The following RANBP10 variants were observed in gnomAD, a reference collection of about 807,000 sequenced individuals.
RANBP10 encodes the protein RAN binding protein 10, also known as ran-binding protein 10.
RANBP10 carries 24 observed loss-of-function variants against 72.8 expected under a neutral mutation model. The observed-to-expected ratio is 0.33, with a 90% CI of 0.24 to 0.46. The LOEUF (loss-of-function observed/expected upper bound fraction) is 0.46. Ranked by LOEUF, RANBP10 falls within the 20% of genes least tolerant of loss-of-function variation. RANBP10 has a pLI of 1.00. For synonymous variants in RANBP10, 310 were observed against 322.3 expected (o/e 0.96, Z 0.41); for missense variants, 679 against 817.5 (o/e 0.83, Z 2.07).
chr16:67,772,274 T>C (rs2054622320), intron 2 of RANBP10, among the ~76,000 whole-genome samples, 188 bp from the exon 3 acceptor site: 1 of 152,172 alleles, frequency 6.6e-6, no homozygotes. Flanking sequence ...AGCATCTTAG[T>C]GCCTCACCCA....
At chr16:67,747,820 T>G (rs1244704470) in intron 3 of RANBP10, among the ~76,000 whole-genome samples, 2 of 146,846 alleles carry the variant, frequency 1.4e-5, no homozygotes, top group Non-Finnish European at 3.0e-5. Flanking sequence ...TTCTTTTCTT[T>G]TTTTTTTTTT....
rs2053591644 is a variant in RANBP10 at position 67,726,018 on chromosome 16, ATAAGCTATCACCAAC to A, written c.*395_*409del. On this transcript the variant is annotated 3_prime_UTR_variant, in exon 14 of 14. Transcript: ENST00000317506. The stretch of plus-strand genomic sequence containing the variant: ...CATTTGTTTTTTACTTATGAAAATA[ATAAGCTATCACCAAC>A]TTGGATAGGCTTCATCACTAAATTA... 6.2e-6 allele frequency: 1 copy of A among 162,102 alleles called. No individual in the cohort carries two copies. Among genetic ancestry groups the A allele is most frequent in the Admixed American group, 5.6e-5 (1 of 17,724 alleles). The allele number at this position is 162,102 out of a possible 1,614,324, so 10.0% of individuals were successfully genotyped here.
rs1308834316 is a variant in RANBP10 at position 67,780,245 on chromosome 16, C to CA, written c.348-8160dup. On this transcript the variant is annotated intron_variant, in intron 2 of 13. Transcript: ENST00000317506. ...GACTCCGTCTCAAAAAACAAACAAA[C>CA]AAACAAAAAAACACAGCAGAATGTG... 5.7e-4 allele frequency among the ~76,000 whole-genome samples: 85 copies of CA among 150,000 alleles called. 1 individual carries two copies. Among genetic ancestry groups the CA allele is most frequent in the Middle Eastern group, 3.4e-3 (1 of 290 alleles).
rs1398632644 is a variant in RANBP10 at position 67,800,236 on chromosome 16, G to T, written c.347+5192C>A. ...TGGCCAAAGGAAGTCAGCTGCAGGA[G>T]CAAGGGAAGGCTGGCTGTGGTCAGA... On this transcript the variant is annotated intron_variant, in intron 2 of 13. Transcript: ENST00000317506. Among the ~76,000 whole-genome samples, 3 of 152,188 alleles carry T rather than the reference G, an allele frequency of 2.0e-5. No homozygotes were observed. The East Asian group carries it at 5.8e-4, about 29-fold the overall frequency.
intron 3 of RANBP10, 114 bp downstream of exon 3, chr16:67,771,920 T>G: frequency 8.2e-7 from 1 of 1,225,340 alleles, no homozygotes. Context: ...TAGCATGGCT[T>G]GAGGTAGGCA....
rs2053596151 is a variant in RANBP10 at position 67,726,261 on chromosome 16, G to C, written c.*167C>G. 4 of 995,818 alleles carry C rather than the reference G, an allele frequency of 4.0e-6. No individual in the cohort carries two copies. Among genetic ancestry groups the C allele is most frequent in the Non-Finnish European group, 5.9e-6 (4 of 683,168 alleles). The allele number at this position is 995,818 out of a possible 1,614,324, so 61.7% of individuals were successfully genotyped here. On this transcript the variant is annotated 3_prime_UTR_variant, in exon 14 of 14. Coordinates refer to ENST00000317506, the MANE Select transcript of RANBP10 (RefSeq NM_020850.3). ...GAGAGAGAGACTGAGCGGGGTGGTGGGCAGAGAAAGGAAGGAAGGAAGGAA... is the reference window on the plus strand; with the variant it reads ...GAGAGAGAGACTGAGCGGGGTGGTGCGCAGAGAAAGGAAGGAAGGAAGGAA...
chr16:67,802,543 C>T (rs1250983698), intron 2 of RANBP10, among the ~76,000 whole-genome samples: 1 of 152,146 alleles, frequency 6.6e-6, no homozygotes, highest in Non-Finnish European at 1.5e-5. Context: ...GAGGCTGAGG[C>T]AGGAGAATCA....
intron 3 of RANBP10, among the ~76,000 whole-genome samples, chr16:67,765,219 A>C (rs1409034321): frequency 1.3e-5 from 2 of 150,872 alleles, no homozygotes; most frequent in Non-Finnish European, 3.0e-5. Flanking sequence ...AAAAAAAAAA[A>C]AAAAAAAAAC....
chr16:67,783,139 A>G (rs577539854), intron 2 of RANBP10, among the ~76,000 whole-genome samples: 20 of 152,148 alleles, frequency 1.3e-4, no homozygotes, highest in Non-Finnish European at 2.6e-4. Context: ...TCCGGCTCAC[A>G]TGGCACCTAG....
chr16:67,792,817 G>A (rs995855305), intron 2 of RANBP10, among the ~76,000 whole-genome samples: 2 of 151,782 alleles, frequency 1.3e-5, no homozygotes, highest in Admixed American at 6.6e-5. Context: ...GAAAGCAAAG[G>A]GGCCTCAAGT....
chr16:67,771,994 C>T (rs1210753324), intron 3 of RANBP10, 40 bp downstream of exon 3: 1 of 1,586,342 alleles, frequency 6.3e-7, no homozygotes, highest in Non-Finnish European at 8.5e-7. Context: ...CCAATTGGAT[C>T]AGGAGAGCAG....
At chr16:67,791,462 A>T (rs2055027067) in intron 2 of RANBP10, among the ~76,000 whole-genome samples, 2 of 152,196 alleles carry the variant, frequency 1.3e-5, no homozygotes, top group South Asian at 2.1e-4. Flanking sequence ...CCCTACACCC[A>T]CAGGGCTCTG....
intron 3 of RANBP10, among the ~76,000 whole-genome samples, chr16:67,745,141 A>C (rs1461595048): frequency 7.0e-6 from 1 of 142,854 alleles, no homozygotes; most frequent in African/African-American, 2.7e-5. Context: ...ATGCCCAGCT[A>C]ATTTTTTTGT....
At chr16:67,741,503 G>A (rs1346895479) in intron 4 of RANBP10, among the ~76,000 whole-genome samples, 2 of 152,214 alleles carry the variant, frequency 1.3e-5, no homozygotes, top group Non-Finnish European at 2.9e-5. Context: ...AGTACCCAGA[G>A]CCAAACAGAC....
chr16:67,740,804 C>T (rs1387996902), intron 4 of RANBP10, among the ~76,000 whole-genome samples: 2 of 152,170 alleles, frequency 1.3e-5, no homozygotes, highest in South Asian at 2.1e-4. Flanking sequence ...GCTCATAAGC[C>T]GCATGGTCTG....
chr16:67,772,274 T>G (rs2054622320), intron 2 of RANBP10, among the ~76,000 whole-genome samples, 188 bp from the exon 3 acceptor site: 1 of 152,172 alleles, frequency 6.6e-6, no homozygotes, highest in East Asian at 1.9e-4. Flanking sequence ...AGCATCTTAG[T>G]GCCTCACCCA....
chr16:67,760,386 G>A lies in RANBP10; in HGVS notation c.400+11648C>T, dbSNP rs189278851. 2.6e-5 allele frequency among the ~76,000 whole-genome samples: 4 copies of A among 152,300 alleles called. No homozygotes were observed. The East Asian group carries it at 7.7e-4, about 29-fold the overall frequency. On this transcript the variant is annotated intron_variant, in intron 3 of 13. Coordinates refer to ENST00000317506, the MANE Select transcript of RANBP10 (RefSeq NM_020850.3). ...CAGTGGTTCCTCTTCCATGGCACAC[G>A]CAGATGTGAAATATCAGCTGTTTGC...
At chr16:67,735,480 C>G (rs73591941) in intron 5 of RANBP10, among the ~76,000 whole-genome samples, 1 of 152,134 alleles carries the variant, frequency 6.6e-6, no homozygotes, top group African/African-American at 2.4e-5. Flanking sequence ...TGAGGCTGGG[C>G]ACAGTGGCTC....
intron 5 of RANBP10, among the ~76,000 whole-genome samples, chr16:67,737,013 G>A (rs1056254383): frequency 7.2e-5 from 11 of 152,162 alleles, no homozygotes; most frequent in Non-Finnish European, 1.3e-4. Flanking sequence ...CAGGCTCCCA[G>A]CATCCTGGGT....
Sources: gnomAD v4.1 joint callset for allele counts (sites outside exome capture counted in the v4.1 genomes callset) on GRCh38, gnomAD v4.1.1 for gene constraint, MANE v1.5 for transcripts, NCBI Gene and HGNC (gene_info 2026-07-23, HGNC 2026-07-21) for gene names.